The following CCSER1 variants were observed in gnomAD, a reference collection of about 807,000 sequenced individuals.
CCSER1 encodes serine-rich coiled-coil domain-containing protein 1.
A neutral mutation model predicts 82.0 loss-of-function variants in CCSER1; 41 were observed. The observed-to-expected ratio is 0.50, with a 90% CI of 0.39 to 0.65. CCSER1 has a LOEUF of 0.65. Among genes scored for constraint, CCSER1 ranks in the 30% least tolerant of loss-of-function variants. The pLI, the probability that CCSER1 is intolerant of heterozygous loss-of-function variation, is 0.00. For missense variants in CCSER1, 1,119 were observed against 1,064.2 expected (o/e 1.05, Z -0.72); for synonymous variants, 414 against 383.9 (o/e 1.08, Z -0.92).
At chr4:91,549,952 T>C (rs1207485737) in intron 10 of CCSER1, among the ~76,000 whole-genome samples, 1 of 151,710 alleles carries the variant, frequency 6.6e-6, no homozygotes, top group Non-Finnish European at 1.5e-5. Flanking sequence ...CTGCATTAAG[T>C]GGGACAACAA....
chr4:90,138,640 A>T (rs1206063651), intron 1 of CCSER1, among the ~76,000 whole-genome samples: 1 of 152,200 alleles, frequency 6.6e-6, no homozygotes, highest in Non-Finnish European at 1.5e-5. Context: ...TGGAGATCAA[A>T]GGAGAGTTGG....
At chr4:90,709,135 C>A (rs1458559919) in intron 6 of CCSER1, among the ~76,000 whole-genome samples, 3 of 151,802 alleles carry the variant, frequency 2.0e-5, no homozygotes, top group African/African-American at 7.3e-5. Context: ...TTTATTCATT[C>A]CATATAATGT....
chr4:90,242,092 A>C (rs1270769813), intron 1 of CCSER1, among the ~76,000 whole-genome samples: 2 of 152,154 alleles, frequency 1.3e-5, no homozygotes, highest in African/African-American at 2.4e-5. Context: ...AGATCACTTG[A>C]GGTCAGGAGT....
chr4:90,787,116 C>G (rs1015939098), intron 7 of CCSER1, among the ~76,000 whole-genome samples: 11 of 152,172 alleles, frequency 7.2e-5, no homozygotes, highest in Non-Finnish European at 1.5e-4. Flanking sequence ...AACTCTACAC[C>G]TTCATTCAGA....
chr4:90,210,662 C>G (rs537061755), intron 1 of CCSER1, among the ~76,000 whole-genome samples: 1 of 152,056 alleles, frequency 6.6e-6, no homozygotes, highest in Non-Finnish European at 1.5e-5. Context: ...CCAGGCTGCT[C>G]TAGAACTCCT....
At chr4:90,717,508 C>T (rs534124525) in intron 6 of CCSER1, among the ~76,000 whole-genome samples, 41 of 152,132 alleles carry the variant, frequency 2.7e-4, no homozygotes, top group African/African-American at 8.9e-4. Flanking sequence ...TTTTGGTTTA[C>T]TGCTAAAACA....
intron 1 of CCSER1, among the ~76,000 whole-genome samples, chr4:90,261,664 GT>G (rs1369995441): frequency 6.6e-6 from 1 of 152,178 alleles, no homozygotes; most frequent in Non-Finnish European, 1.5e-5. Flanking sequence ...GGTCAGGAAA[GT>G]TTTTCTCAAT....
At chr4:90,850,702 T>C (rs1465656802) in intron 8 of CCSER1, among the ~76,000 whole-genome samples, 1 of 152,256 alleles carries the variant, frequency 6.6e-6, no homozygotes, top group Non-Finnish European at 1.5e-5. Flanking sequence ...GTAACTAATA[T>C]GCCTTTGATT....
intron 10 of CCSER1, among the ~76,000 whole-genome samples, chr4:91,167,981 C>A (rs1732292566): frequency 6.7e-6 from 1 of 149,420 alleles, no homozygotes; most frequent in Non-Finnish European, 1.5e-5. Flanking sequence ...AGCGCCTCTG[C>A]CCGGCTGCCC....
chr4:90,438,051 C>T (rs547780937), intron 4 of CCSER1, among the ~76,000 whole-genome samples: 17 of 151,952 alleles, frequency 1.1e-4, no homozygotes, highest in Non-Finnish European at 1.9e-4. Context: ...TAATATTTTT[C>T]TGATAAAGTT....
At chr4:91,280,625 TTTTCC>T (rs1742845311) in intron 10 of CCSER1, among the ~76,000 whole-genome samples, 1 of 152,104 alleles carries the variant, frequency 6.6e-6, no homozygotes, top group African/African-American at 2.4e-5. Flanking sequence ...AGTGGCGTTG[TTTTCC>T]TTTGCAGCAG....
intron 9 of CCSER1, among the ~76,000 whole-genome samples, chr4:90,993,995 C>T (rs1293717837): frequency 6.6e-6 from 1 of 151,986 alleles, no homozygotes; most frequent in African/African-American, 2.4e-5. Flanking sequence ...TACACTCATC[C>T]TGACAAACCC....
intron 8 of CCSER1, among the ~76,000 whole-genome samples, chr4:90,905,421 C>T (rs568752751): frequency 3.3e-5 from 5 of 151,898 alleles, no homozygotes; most frequent in South Asian, 2.1e-4. Flanking sequence ...ATATACTCCT[C>T]CCCCACGCCT....
rs996250827 is a variant in CCSER1 at position 91,539,619 on chromosome 4, T to C, written c.2218-58953T>C. Among the ~76,000 whole-genome samples the C allele has an allele frequency of 7.2e-5, 11 of 152,228 alleles. 1 individual carries two copies. In the Middle Eastern group the frequency reaches 0.02, roughly 282 times the overall value. On this transcript the variant is annotated intron_variant, in intron 10 of 10. Transcript: ENST00000509176. ...CATGTGGAAATAGATTTTATGAATA[T>C]GTCAGACTTCTCAGGAAATTATGAC...
At chr4:90,707,243 T>C (rs75217969) in intron 6 of CCSER1, among the ~76,000 whole-genome samples, 2 of 147,660 alleles carry the variant, frequency 1.4e-5, no homozygotes, top group Non-Finnish European at 3.0e-5. Flanking sequence ...CCTTGAACTG[T>C]TTTTTTTTTC....
At chr4:91,590,312 T>C (rs1206754053) in intron 10 of CCSER1, among the ~76,000 whole-genome samples, 2 of 152,150 alleles carry the variant, frequency 1.3e-5, no homozygotes, top group Non-Finnish European at 2.9e-5. Flanking sequence ...AATCAGGTCC[T>C]GTCTGCCAGA....
chr4:90,555,963 G>A (rs145890039), intron 5 of CCSER1, among the ~76,000 whole-genome samples: 1 of 152,000 alleles, frequency 6.6e-6, no homozygotes, highest in Non-Finnish European at 1.5e-5. Flanking sequence ...TTACCAATTG[G>A]CATCCATAAT....
intron 1 of CCSER1, among the ~76,000 whole-genome samples, chr4:90,229,462 T>C (rs1391113007): frequency 6.6e-6 from 1 of 152,066 alleles, no homozygotes; most frequent in African/African-American, 2.4e-5. Context: ...AAAGTGCTCC[T>C]GAAGGAAGTG....
intron 1 of CCSER1, among the ~76,000 whole-genome samples, chr4:90,288,597 G>A (rs1456892832): frequency 6.6e-6 from 1 of 151,866 alleles, no homozygotes; most frequent in Non-Finnish European, 1.5e-5. Context: ...AATTATTTGA[G>A]AATTCACTTA....
Sources: gnomAD v4.1 joint callset for allele counts (sites outside exome capture counted in the v4.1 genomes callset) on GRCh38, gnomAD v4.1.1 for gene constraint, MANE v1.5 for transcripts, NCBI Gene and HGNC (gene_info 2026-07-23, HGNC 2026-07-21) for gene names.